The following PTAR1 variants were observed in gnomAD, a reference collection of about 807,000 sequenced individuals.
PTAR1 encodes the protein protein prenyltransferase alpha subunit repeat containing 1.
Under a neutral mutation model 45.5 loss-of-function variants are expected in PTAR1, and 17 were observed. The ratio of observed to expected loss-of-function variants is 0.37; its 90% CI spans 0.26 to 0.56. The LOEUF is 0.56. PTAR1 is among the 20% of genes least tolerant of loss of function. The pLI, the probability that PTAR1 is intolerant of heterozygous loss-of-function variation, is 0.77. For missense variants in PTAR1, 391 were observed against 476.3 expected, an observed-to-expected ratio of 0.82 and a Z score of 1.67; for synonymous variants, 169 against 171.3, an observed-to-expected ratio of 0.99 and a Z score of 0.11.
chr9:69,731,213 C>A (rs2134105933), intron 5 of PTAR1, among the ~76,000 whole-genome samples: 2 of 152,220 alleles, frequency 1.3e-5, no homozygotes, highest in Admixed American at 1.3e-4. Context: ...GAAATGGGAG[C>A]ATGGGAAGAG....
In PTAR1 at chr9:69,750,837, T is replaced by C. The variant is rs1826496596; in HGVS notation, c.200A>G (p.Tyr67Cys). 2 of 1,611,658 alleles carry C rather than the reference T, an allele frequency of 1.2e-6. No homozygotes were observed. Among genetic ancestry groups the C allele is most frequent in the Non-Finnish European group, 1.7e-6 (2 of 1,178,644 alleles). ...ESWCVKFLLP[Y>C]VHNKLLLYRT... ...GTACAAAAGGAGCTTGTTGTGGACA[T>C]ATGGTAAAAGGAACTTGACACACCA... is the stretch of plus-strand genomic sequence containing the variant. Residue 67 changes from tyrosine (Y) to cysteine (C), a missense_variant, in exon 2 of 8, where the codon TAT (tyrosine) becomes TGT (cysteine). Tyr to Cys is a radical substitution (Grantham distance 194). Coordinates refer to ENST00000340434, the MANE Select transcript of PTAR1 (RefSeq NM_001099666.2).
intron 5 of PTAR1, among the ~76,000 whole-genome samples, chr9:69,728,115 T>C (rs1444313444): frequency 2.0e-5 from 3 of 152,172 alleles, no homozygotes; most frequent in Non-Finnish European, 2.9e-5. Flanking sequence ...CGTTATAGCA[T>C]GTATCAGTAT....
At chr9:69,734,305 T>C in intron 3 of PTAR1, 51 bp from the exon 4 acceptor site, 1 of 843,138 alleles carries the variant, frequency 1.2e-6, no homozygotes, top group Non-Finnish European at 1.8e-6. Flanking sequence ...ACTTTATCCT[T>C]ATATCCAAAG....
At chr9:69,732,919 T>C (rs1825606352) in intron 4 of PTAR1, among the ~76,000 whole-genome samples, 1 of 152,080 alleles carries the variant, frequency 6.6e-6, no homozygotes, top group African/African-American at 2.4e-5. Flanking sequence ...ATCCACAAAT[T>C]CTCCCTTTGT....
At chr9:69,725,357 G>A (rs1460113131) in intron 5 of PTAR1, among the ~76,000 whole-genome samples, 2 of 151,824 alleles carry the variant, frequency 1.3e-5, no homozygotes, top group South Asian at 2.1e-4. Context: ...TGGGAGGCTG[G>A]GGCGGACGGA....
chr9:69,741,998 C>A, intron 2 of PTAR1, 140 bp from the exon 3 acceptor site: 1 of 608,106 alleles, frequency 1.6e-6, no homozygotes, highest in Non-Finnish European at 2.9e-6. Context: ...ATGATAAATT[C>A]CCTCTTCTAA....
intron 2 of PTAR1, among the ~76,000 whole-genome samples, chr9:69,750,422 C>T (rs1225335042): frequency 6.6e-6 from 1 of 151,878 alleles, no homozygotes; most frequent in Non-Finnish European, 1.5e-5. Flanking sequence ...GGATTAGAAA[C>T]CAGAGACTGA....
At chr9:69,732,798 G>A (rs1269675600) in intron 4 of PTAR1, among the ~76,000 whole-genome samples, 1 of 152,102 alleles carries the variant, frequency 6.6e-6, no homozygotes, top group African/African-American at 2.4e-5. Flanking sequence ...TTGCAAACAA[G>A]AAGCTGCATT....
Position 69,715,771 on chromosome 9 carries a change from C to A in PTAR1, c.*2571G>T, listed in dbSNP as rs1272518194. 2.0e-5 allele frequency: 3 copies of A among 151,970 alleles called. No homozygotes were observed. Among genetic ancestry groups the A allele is most frequent in the Non-Finnish European group, 2.9e-5 (2 of 67,970 alleles). 9.4% of individuals were successfully genotyped at this position (151,970 alleles called of 1,614,324 possible). ...AAATATTAACCACTTAGGAAAAAAA[C>A]CAACCATATAGGGCAATATTAGGAT... On this transcript the variant is annotated 3_prime_UTR_variant, in exon 8 of 8. Coordinates refer to ENST00000340434, the MANE Select transcript of PTAR1 (RefSeq NM_001099666.2).
At position 69,714,592 on chromosome 9, in the gene PTAR1, C is replaced by CTATG. The variant is rs1455307298; in HGVS notation, c.*3746_*3749dup. Reference sequence around the variant, plus strand: ...ACATACCTAAGTGGCATACGATCTACTATGTATTTGCTTTCCTGCAAACTA... The same window carrying CTATG: ...ACATACCTAAGTGGCATACGATCTACTATGTATGTATTTGCTTTCCTGCAAACTA... On this transcript the variant is annotated 3_prime_UTR_variant, in exon 8 of 8. Transcript: ENST00000340434. The CTATG allele has an allele frequency of 6.6e-6, 1 of 152,100 alleles. No individual in the cohort carries two copies. Among genetic ancestry groups the CTATG allele is most frequent in the African/African-American group, 2.4e-5 (1 of 41,422 alleles). The allele number at this position is 152,100 out of a possible 1,614,324, so 9.4% of individuals were successfully genotyped here.
At chr9:69,727,454 T>G (rs1825340121) in intron 5 of PTAR1, among the ~76,000 whole-genome samples, 1 of 151,910 alleles carries the variant, frequency 6.6e-6, no homozygotes, top group Non-Finnish European at 1.5e-5. Context: ...ATAATGTGAG[T>G]CTCTTTTCTT....
chr9:69,729,468 T>G (rs1230956318), intron 5 of PTAR1, among the ~76,000 whole-genome samples: 1 of 152,248 alleles, frequency 6.6e-6, no homozygotes, highest in Non-Finnish European at 1.5e-5. Context: ...TCCCTCATTA[T>G]TGAAGGGCTA....
chr9:69,725,083 A>G (rs1282821297), intron 5 of PTAR1, among the ~76,000 whole-genome samples: 1 of 152,178 alleles, frequency 6.6e-6, no homozygotes, highest in Non-Finnish European at 1.5e-5. Flanking sequence ...CATTTATTAC[A>G]TTTTTGAAAA....
At chr9:69,752,295 T>C (rs1024897360) in intron 1 of PTAR1, among the ~76,000 whole-genome samples, 4 of 152,080 alleles carry the variant, frequency 2.6e-5, no homozygotes, top group Non-Finnish European at 4.4e-5. Flanking sequence ...TGTCTTTTTG[T>C]TGGGCCACTA....
intron 2 of PTAR1, among the ~76,000 whole-genome samples, chr9:69,748,620 G>T (rs1343975127): frequency 6.6e-6 from 1 of 152,048 alleles, no homozygotes; most frequent in African/African-American, 2.4e-5. Context: ...TTCAGAAACT[G>T]TCACTTAAAT....
Position 69,712,844 on chromosome 9 carries a change from A to T in PTAR1, c.*5498T>A, listed in dbSNP as rs1228379288. On this transcript the variant is annotated 3_prime_UTR_variant, in exon 8 of 8. Transcript: ENST00000340434. ...AAATCATTTCCACAGAAGACACGAG[A>T]ATGTTCATACTAGAGCCATAGGGAC... 6.6e-6 allele frequency: 1 copy of T among 152,118 alleles called. No homozygotes were observed. The highest frequency in any genetic ancestry group is 1.9e-4 in the East Asian group (1 of 5,194). The allele number at this position is 152,118 out of a possible 1,614,324, so 9.4% of individuals were successfully genotyped here. A position where few individuals can be genotyped will look rare whatever the true frequency, so the allele number is the denominator to read the frequency against.
Position 69,715,735 on chromosome 9 carries a change from C to CT in PTAR1, c.*2606dup, listed in dbSNP as rs1312896983. On this transcript the variant is annotated 3_prime_UTR_variant, in exon 8 of 8. Transcript: ENST00000340434. ...AGTCAAAGACATTATCATGCTACAG[C>CT]TAGCGGGTTTAAATATTAACCACTT... 6.6e-6 allele frequency: 1 copy of CT among 152,124 alleles called. No homozygotes were observed. Among genetic ancestry groups the CT allele is most frequent in the East Asian group, 1.9e-4 (1 of 5,198 alleles). 9.4% of individuals were successfully genotyped at this position (152,124 alleles called of 1,614,324 possible).
chr9:69,722,437 T>C (rs927402138), intron 6 of PTAR1, among the ~76,000 whole-genome samples: 1 of 152,294 alleles, frequency 6.6e-6, no homozygotes, highest in East Asian at 1.9e-4. Flanking sequence ...TGCTAACCCT[T>C]TTTCACTCTT....
intron 3 of PTAR1, among the ~76,000 whole-genome samples, chr9:69,738,555 C>A (rs892335154): frequency 6.6e-6 from 1 of 152,112 alleles, no homozygotes; most frequent in African/African-American, 2.4e-5. Context: ...TTGCTCAAAT[C>A]ATTCCAGCTA....
Sources: allele counts gnomAD v4.1 joint callset (sites outside exome capture counted in the v4.1 genomes callset), GRCh38; gene constraint gnomAD v4.1.1; transcripts MANE v1.5; gene names NCBI Gene and HGNC (gene_info 2026-07-23, HGNC 2026-07-21).